TANGO6: variants seen among roughly 807,000 people sequenced by gnomAD.
TANGO6 encodes transport and Golgi organization protein 6 homolog.
In TANGO6, 90 loss-of-function variants were observed where a neutral mutation model predicts 114.2. The ratio of observed to expected loss-of-function variants is 0.79; its 90% CI spans 0.66 to 0.94. The LOEUF is 0.94. TANGO6 is among the 40% of genes least tolerant of loss of function. The probability of loss-of-function intolerance (pLI) is 0.00; values close to 1 mark genes in which losing one functional copy is unlikely to be tolerated. For synonymous variants in TANGO6, 477 were observed against 509.8 expected, an observed-to-expected ratio of 0.94 and a Z score of 0.87; for missense variants, 1,274 against 1,315.3, an observed-to-expected ratio of 0.97 and a Z score of 0.49.
chr16:69,083,614 C>G lies in TANGO6; in HGVS notation c.3238C>G (p.Leu1080Val). ...GCTGGATGACATCATGAAAAACTTC[C>G]TGTTCCCTCCACAGAAGCTGGAGAA... is the stretch of plus-strand genomic sequence containing the variant. ...EELDDIMKNF[L>V]FPPQKLEKKI... is the part of the protein sequence containing the mutation. Residue 1080 changes from leucine to valine, a missense_variant, in exon 18 of 18, where the codon CTG becomes GTG. This residue lies in a region of TANGO6 where 238 missense variants were observed against 252.9 expected (regional missense o/e 0.94). Coordinates refer to ENST00000261778, the MANE Select transcript of TANGO6 (RefSeq NM_024562.2). The G allele has an allele frequency of 6.3e-7, 1 of 1,581,078 alleles. No individual in the cohort carries two copies. The highest frequency in any genetic ancestry group is 8.6e-7 in the Non-Finnish European group (1 of 1,163,398).
intron 17 of TANGO6, among the ~76,000 whole-genome samples, chr16:69,074,293 A>G (rs1960340305): frequency 6.6e-6 from 1 of 151,686 alleles, no homozygotes; most frequent in Non-Finnish European, 1.5e-5. Flanking sequence ...ATATATATAT[A>G]TTACAGAAAA....
chr16:68,937,136 C>T (rs1411616574), intron 14 of TANGO6: 4 of 152,184 alleles, frequency 2.6e-5, no homozygotes, highest in African/African-American at 9.7e-5. Flanking sequence ...GTTGAGAAAC[C>T]ACTAACTGAA....
chr16:69,070,458 C>A (rs1036059093), intron 17 of TANGO6, among the ~76,000 whole-genome samples: 1 of 151,660 alleles, frequency 6.6e-6, no homozygotes, highest in African/African-American at 2.4e-5. Flanking sequence ...CATGGTGAAA[C>A]CCCGTCCCTA....
intron 15 of TANGO6, among the ~76,000 whole-genome samples, chr16:69,019,369 G>A (rs1233581008): frequency 6.6e-6 from 1 of 152,184 alleles, no homozygotes; most frequent in East Asian, 1.9e-4. Flanking sequence ...GGCAGCATAC[G>A]TTGATGTTAA....
chr16:68,904,133 G>A (rs1426678603), intron 9 of TANGO6, among the ~76,000 whole-genome samples: 4 of 152,022 alleles, frequency 2.6e-5, no homozygotes, highest in Non-Finnish European at 5.9e-5. Flanking sequence ...TTGGTGCTGA[G>A]TGTTGCTCTG....
At chr16:68,947,558 A>G (rs1220031857) in intron 14 of TANGO6, among the ~76,000 whole-genome samples, 1 of 151,352 alleles carries the variant, frequency 6.6e-6, no homozygotes, top group Admixed American at 6.6e-5. Flanking sequence ...AGCCTGAAAT[A>G]TAATAAGACT....
At chr16:68,897,215 C>T (rs1308529141) in intron 7 of TANGO6, among the ~76,000 whole-genome samples, 9 of 152,050 alleles carry the variant, frequency 5.9e-5, no homozygotes, top group Admixed American at 3.9e-4. Flanking sequence ...ATAAGTGCTA[C>T]TCTTAATTTT....
intron 5 of TANGO6, among the ~76,000 whole-genome samples, chr16:68,875,705 G>A (rs1333346886): frequency 1.3e-5 from 2 of 151,478 alleles, no homozygotes; most frequent in Non-Finnish European, 2.9e-5. Flanking sequence ...GGAGGCGGAG[G>A]TTGCCGTGAG....
chr16:69,011,105 G>A (rs1375526189), intron 15 of TANGO6, among the ~76,000 whole-genome samples: 4 of 152,094 alleles, frequency 2.6e-5, no homozygotes, highest in South Asian at 2.1e-4. Context: ...GTAATCATTC[G>A]ATTTTTGGAA....
intron 14 of TANGO6, among the ~76,000 whole-genome samples, chr16:68,933,347 G>A (rs936968987): frequency 1.3e-5 from 2 of 151,966 alleles, no homozygotes; most frequent in Non-Finnish European, 2.9e-5. Context: ...CCCAGGAGAT[G>A]AGGGTTGCAG....
At chr16:68,975,738 G>C (rs1367023393) in intron 15 of TANGO6, among the ~76,000 whole-genome samples, 1 of 151,228 alleles carries the variant, frequency 6.6e-6, no homozygotes, top group African/African-American at 2.4e-5. Flanking sequence ...TCTATTTTTT[G>C]TAGAGGCAAG....
At chr16:68,934,652 G>A (rs568737248) in intron 14 of TANGO6, among the ~76,000 whole-genome samples, 173 of 152,234 alleles carry the variant, frequency 1.1e-3, no homozygotes, top group Non-Finnish European at 1.2e-3. Flanking sequence ...AAAGAAGCAA[G>A]AACCTAAAGT....
intron 17 of TANGO6, among the ~76,000 whole-genome samples, chr16:69,049,617 A>G (rs1959916860): frequency 6.6e-6 from 1 of 151,728 alleles, no homozygotes; most frequent in Admixed American, 6.6e-5. Context: ...TTTTTAGTAG[A>G]GACGGGATTT....
chr16:68,890,756 C>T (rs1393141275), intron 7 of TANGO6, among the ~76,000 whole-genome samples: 2 of 151,944 alleles, frequency 1.3e-5, no homozygotes, highest in Non-Finnish European at 2.9e-5. Flanking sequence ...CGTGGTGGCT[C>T]ATGTCTATAA....
intron 14 of TANGO6, among the ~76,000 whole-genome samples, chr16:68,961,174 G>C (rs916441480): frequency 5.9e-5 from 9 of 152,194 alleles, no homozygotes; most frequent in African/African-American, 2.2e-4. Context: ...GAGTCCATGA[G>C]AAAGATTTCT....
At chr16:69,045,443 C>CAAAAAA (rs1389960740) in intron 17 of TANGO6, among the ~76,000 whole-genome samples, 2 of 53,956 alleles carry the variant, frequency 3.7e-5, no homozygotes, top group African/African-American at 1.4e-4. Flanking sequence ...GACTCCATCT[C>CAAAAAA]AAAAAAAAAA....
intron 7 of TANGO6, among the ~76,000 whole-genome samples, chr16:68,892,448 C>T (rs140066462): frequency 3.9e-5 from 6 of 152,238 alleles, no homozygotes; most frequent in African/African-American, 1.4e-4. Flanking sequence ...TCTGACTTTG[C>T]CCCTCAGCTC....
intron 16 of TANGO6, chr16:69,034,386 G>T: frequency 6.2e-6 from 1 of 160,452 alleles, no homozygotes; most frequent in South Asian, 1.8e-4. Flanking sequence ...GCCATCTCCA[G>T]GACCTATAGC....
At chr16:68,878,456 C>G (rs1385855151) in intron 6 of TANGO6, among the ~76,000 whole-genome samples, 176 bp downstream of exon 6, 27 of 152,146 alleles carry the variant, frequency 1.8e-4, no homozygotes, top group Non-Finnish European at 5.9e-5. Flanking sequence ...TTGAACTACC[C>G]ATATACAGAT....
Sources: gnomAD v4.1 joint callset for allele counts (sites outside exome capture counted in the v4.1 genomes callset) on GRCh38, gnomAD v4.1.1 for gene constraint, gnomAD v4.1.1 regional missense constraint, MANE v1.5 for transcripts, NCBI Gene and HGNC (gene_info 2026-07-23, HGNC 2026-07-21) for gene names.